Variants in GABRA3 observed in about 807,000 individuals in gnomAD.
The protein encoded by GABRA3 is gamma-aminobutyric acid receptor subunit alpha-3.
GABRA3 carries 10 observed loss-of-function variants against 30.1 expected under a neutral mutation model. The ratio of observed to expected loss-of-function variants is 0.33; its 90% CI spans 0.20 to 0.56. GABRA3 has a LOEUF of 0.56. Among genes scored for constraint, GABRA3 ranks in the 20% least tolerant of loss-of-function variants. The probability of loss-of-function intolerance (pLI) is 0.89; values close to 1 mark genes in which losing one functional copy is unlikely to be tolerated. For synonymous variants in GABRA3, 151 were observed against 146.8 expected, an observed-to-expected ratio of 1.03 and a Z score of -0.21; for missense variants, 233 against 392.0, an observed-to-expected ratio of 0.59 and a Z score of 3.42.
chrX:152,398,266 T>G (rs1240769519), intron 1 of GABRA3, among the ~76,000 whole-genome samples: 3 of 6,002 alleles, frequency 5.0e-4, no homozygotes, highest in African/African-American at 1.1e-3. Flanking sequence ...TCCACCTTTT[T>G]TTTTTTTTTT....
At chrX:152,195,116 CA>C (rs1428304100) in intron 8 of GABRA3, among the ~76,000 whole-genome samples, 1 of 111,784 alleles carries the variant, frequency 8.9e-6, no homozygotes, top group Non-Finnish European at 1.9e-5. Context: ...TTTTTTCTTA[CA>C]TAAACAATTC....
chrX:152,232,707 A>C (rs1322373742), intron 5 of GABRA3, among the ~76,000 whole-genome samples: 3 of 107,936 alleles, frequency 2.8e-5, no homozygotes, highest in African/African-American at 1.0e-4. Context: ...AATTTTATTT[A>C]TCCAATCATC....
intron 1 of GABRA3, chrX:152,389,484 G>C (rs1203060430): frequency 9.0e-6 from 1 of 111,673 alleles, no homozygotes; most frequent in Non-Finnish European, 1.9e-5. Flanking sequence ...CATGCTGCGT[G>C]ATGAAGCGGC....
At position 152,448,737 on chromosome X, in the gene GABRA3, A is replaced by G. The variant is rs182226681; in HGVS notation, c.-27+2409T>C. ...ATGTGGTACTTTTCTTCATGAAATT[A>G]GAAAATTTCATAATTTTCTTTATGA... is the stretch of plus-strand genomic sequence containing the variant. On this transcript the variant is annotated intron_variant, in intron 1 of 9. Coordinates refer to ENST00000370314, the MANE Select transcript of GABRA3 (RefSeq NM_000808.4). Among the ~76,000 whole-genome samples the G allele has an allele frequency of 3.4e-3, 379 of 112,159 alleles. 4 individuals are homozygous for G. Among genetic ancestry groups the G allele is most frequent in the African/African-American group, 0.011 (336 of 30,905 alleles).
chrX:152,245,717 A>G (rs1938451529), intron 5 of GABRA3, among the ~76,000 whole-genome samples: 2 of 111,376 alleles, frequency 1.8e-5, no homozygotes, highest in Admixed American at 9.6e-5. Context: ...GGCACAACAT[A>G]TTTCCTTCAA....
intron 1 of GABRA3, among the ~76,000 whole-genome samples, chrX:152,394,857 T>C (rs1378714785): frequency 9.0e-6 from 1 of 111,509 alleles, no homozygotes; most frequent in Non-Finnish European, 1.9e-5. Context: ...ATGTATGGCA[T>C]TTTGTCAAAA....
chrX:152,342,750 T>C (rs1940334094), intron 3 of GABRA3, among the ~76,000 whole-genome samples: 1 of 111,877 alleles, frequency 8.9e-6, no homozygotes, highest in Non-Finnish European at 1.9e-5. Context: ...AGTTAAATTC[T>C]TTGAAGCTTG....
At chrX:152,261,543 C>A (rs756994560) in intron 4 of GABRA3, among the ~76,000 whole-genome samples, 1 of 112,321 alleles carries the variant, frequency 8.9e-6, no homozygotes, top group African/African-American at 3.2e-5. Flanking sequence ...CCATGCAAGT[C>A]CAAAATCCAA....
intron 4 of GABRA3, among the ~76,000 whole-genome samples, chrX:152,266,666 T>A (rs1449143159): frequency 8.9e-6 from 1 of 111,776 alleles, no homozygotes; most frequent in Non-Finnish European, 1.9e-5. Flanking sequence ...CAAAAGTTAC[T>A]GTATCCGAAG....
chrX:152,341,944 G>C (rs1179773341), intron 3 of GABRA3, among the ~76,000 whole-genome samples: 1 of 102,196 alleles, frequency 9.8e-6, no homozygotes, highest in African/African-American at 3.6e-5. Flanking sequence ...GTGATCTCAG[G>C]TCACTGCAAC....
intron 1 of GABRA3, among the ~76,000 whole-genome samples, chrX:152,400,562 G>T (rs1441611796): frequency 9.0e-6 from 1 of 111,100 alleles, no homozygotes; most frequent in Non-Finnish European, 1.9e-5. Context: ...TCTTAGTGTG[G>T]TAGCAAGATT....
At chrX:152,264,796 G>T (rs1037959369) in intron 4 of GABRA3, among the ~76,000 whole-genome samples, 3 of 110,992 alleles carry the variant, frequency 2.7e-5, no homozygotes, top group African/African-American at 9.8e-5. Flanking sequence ...ATAAAGGGAT[G>T]GAAAAAGATA....
chrX:152,348,146 G>C (rs998925840), intron 2 of GABRA3, among the ~76,000 whole-genome samples: 4 of 111,136 alleles, frequency 3.6e-5, no homozygotes, highest in Non-Finnish European at 7.5e-5. Context: ...TTTAATCTGC[G>C]ACCTAAGTAG....
Position 152,284,681 on chromosome X carries a change from G to T in GABRA3, c.317C>A (p.Ser106Ter). Residue 106 changes from serine (S) to a stop codon, truncating the protein, a stop_gained, in exon 4 of 10, where the codon TCA becomes TAA. Coordinates refer to ENST00000370314, the MANE Select transcript of GABRA3 (RefSeq NM_000808.4). LOFTEE classifies it high-confidence loss of function. ...GCAAGAACTTACCATGTCAGTGTCTGACACAGGGCCAAAACTGGTCACGTA... is the reference window on the plus strand; with the variant it reads ...GCAAGAACTTACCATGTCAGTGTCTTACACAGGGCCAAAACTGGTCACGTA... ...DIYVTSFGPV[S>*]DTDMEYTIDV... is the part of the protein sequence containing the mutation. 8.4e-7 allele frequency: 1 copy of T among 1,188,593 alleles called. No homozygotes were observed. Among genetic ancestry groups the T allele is most frequent in the Non-Finnish European group, 1.1e-6 (1 of 878,332 alleles).
At chrX:152,295,559 A>T (rs1024183988) in intron 3 of GABRA3, among the ~76,000 whole-genome samples, 1 of 112,825 alleles carries the variant, frequency 8.9e-6, no homozygotes, top group Non-Finnish European at 1.9e-5. Flanking sequence ...GGAAAAGCAC[A>T]GTATTTGGGC....
At chrX:152,174,642 G>GT (rs1260706553) in intron 9 of GABRA3, among the ~76,000 whole-genome samples, 2 of 111,419 alleles carry the variant, frequency 1.8e-5, no homozygotes, top group Admixed American at 9.6e-5. Context: ...GGAGTTGTTT[G>GT]TTTTTTTCTT....
At chrX:152,351,020 C>T (rs953217910) in intron 2 of GABRA3, among the ~76,000 whole-genome samples, 2 of 111,825 alleles carry the variant, frequency 1.8e-5, no homozygotes, top group East Asian at 5.7e-4. Flanking sequence ...TTAAAATATT[C>T]GGTAAACCGT....
chrX:152,212,171 C>T lies in GABRA3; in HGVS notation c.635-4027G>A, dbSNP rs1181598515. On this transcript the variant is annotated intron_variant, in intron 6 of 9. Coordinates refer to ENST00000370314, the MANE Select transcript of GABRA3 (RefSeq NM_000808.4). ...TGGTGGCACATGCCTGTAGCCCCAGCTGCTCAGGAGGCTGAGGCAGGAGAA... is the reference window on the plus strand; with the variant it reads ...TGGTGGCACATGCCTGTAGCCCCAGTTGCTCAGGAGGCTGAGGCAGGAGAA... Among the ~76,000 whole-genome samples, 4 of 105,911 alleles carry T rather than the reference C, an allele frequency of 3.8e-5. No homozygotes were observed. In the Admixed American group the frequency reaches 4.1e-4, roughly 11 times the overall value. 92.0% of individuals were successfully genotyped at this position (105,911 alleles called of 115,157 possible).
chrX:152,285,545 T>G (rs1273820356), intron 3 of GABRA3, among the ~76,000 whole-genome samples: 1 of 112,123 alleles, frequency 8.9e-6, no homozygotes, highest in Admixed American at 9.5e-5. Flanking sequence ...TTTGCATGAA[T>G]GGATTAATCT....
Sources: allele counts gnomAD v4.1 joint callset (sites outside exome capture counted in the v4.1 genomes callset), GRCh38; gene constraint gnomAD v4.1.1; transcripts MANE v1.5; gene names NCBI Gene and HGNC (gene_info 2026-07-23, HGNC 2026-07-21).